Variants in GRM8 observed in about 807,000 individuals in gnomAD.
GRM8 encodes the protein glutamate metabotropic receptor 8.
A neutral mutation model predicts 87.2 loss-of-function variants in GRM8; 47 were observed. That is an observed-to-expected ratio of 0.54 (90% CI 0.43 to 0.69). The LOEUF (loss-of-function observed/expected upper bound fraction) is 0.69. Ranked by LOEUF, GRM8 falls within the 30% of genes least tolerant of loss-of-function variation. The pLI, the probability that GRM8 is intolerant of heterozygous loss-of-function variation, is 0.00. For missense variants in GRM8, 1,019 were observed against 1,139.2 expected, an observed-to-expected ratio of 0.89 and a Z score of 1.52; for synonymous variants, 396 against 404.5, an observed-to-expected ratio of 0.98 and a Z score of 0.25.
At chr7:126,910,789 A>T (rs1202966785) in intron 3 of GRM8, among the ~76,000 whole-genome samples, 3 of 152,158 alleles carry the variant, frequency 2.0e-5, no homozygotes, top group African/African-American at 7.2e-5. Flanking sequence ...CTTGTGGGTG[A>T]GTGGTCAGGT....
intron 6 of GRM8, among the ~76,000 whole-genome samples, chr7:126,854,253 A>C (rs528361446): frequency 9.2e-5 from 14 of 152,310 alleles, no homozygotes; most frequent in African/African-American, 3.4e-4. Context: ...CTTAAATGTA[A>C]CAGGGAAATC....
chr7:127,064,400 G>GT (rs1820907881), intron 3 of GRM8, among the ~76,000 whole-genome samples: 2 of 151,638 alleles, frequency 1.3e-5, no homozygotes. Flanking sequence ...TTTATTCTTC[G>GT]TTGGTTTGAA....
At chr7:126,911,711 C>A (rs1419966297) in intron 3 of GRM8, among the ~76,000 whole-genome samples, 1 of 152,162 alleles carries the variant, frequency 6.6e-6, no homozygotes, top group Non-Finnish European at 1.5e-5. Context: ...CTGGCTGTGG[C>A]CCAGTGACAG....
intron 6 of GRM8, among the ~76,000 whole-genome samples, chr7:126,779,044 C>T (rs904425705): frequency 3.9e-5 from 6 of 152,024 alleles, no homozygotes; most frequent in African/African-American, 1.4e-4. Context: ...GCTCTATTCA[C>T]TTCATCTATA....
At chr7:126,984,253 C>T (rs1811825207) in intron 3 of GRM8, among the ~76,000 whole-genome samples, 1 of 152,028 alleles carries the variant, frequency 6.6e-6, no homozygotes, top group Admixed American at 6.6e-5. Context: ...TGTATGGGTT[C>T]AAGTTGGCAA....
At chr7:126,596,385 G>A (rs750505396) in intron 8 of GRM8, among the ~76,000 whole-genome samples, 2 of 152,174 alleles carry the variant, frequency 1.3e-5, no homozygotes, top group Admixed American at 1.3e-4. Context: ...TTGTGGTTTT[G>A]ATCTGCATTT....
chr7:126,848,197 AT>A (rs1796882699), intron 6 of GRM8, among the ~76,000 whole-genome samples: 1 of 152,168 alleles, frequency 6.6e-6, no homozygotes, highest in South Asian at 2.1e-4. Flanking sequence ...GACAGGATTA[AT>A]TTGGCTTAGA....
At chr7:126,869,933 T>TAAAAAAAAAAAAAAA in intron 6 of GRM8, 1 of 77,260 alleles carries the variant, frequency 1.3e-5, no homozygotes, top group East Asian at 2.9e-4. Flanking sequence ...CCTCATAGAT[T>TAAAAAAAAAAAAAAA]AAAAAAAAAA....
At chr7:127,231,817 TCCA>T (rs1384429804) in intron 2 of GRM8, among the ~76,000 whole-genome samples, 1 of 151,868 alleles carries the variant, frequency 6.6e-6, no homozygotes, top group Non-Finnish European at 1.5e-5. Context: ...CAACCACAAC[TCCA>T]CCATCAAACC....
At chr7:126,549,481 C>G (rs1192976602) in intron 8 of GRM8, among the ~76,000 whole-genome samples, 1 of 152,090 alleles carries the variant, frequency 6.6e-6, no homozygotes, top group Non-Finnish European at 1.5e-5. Context: ...TTATCTTTTA[C>G]TTCTAAATGG....
intron 7 of GRM8, among the ~76,000 whole-genome samples, chr7:126,705,060 G>A (rs1810348747): frequency 6.6e-6 from 1 of 152,022 alleles, no homozygotes; most frequent in East Asian, 1.9e-4. Flanking sequence ...TGTCTCCCCT[G>A]GACGCCCAGC....
intron 8 of GRM8, among the ~76,000 whole-genome samples, chr7:126,535,328 C>T (rs947396896): frequency 6.6e-6 from 1 of 152,160 alleles, no homozygotes; most frequent in Non-Finnish European, 1.5e-5. Context: ...ATAATTCACT[C>T]GAGTGGAAGC....
chr7:126,946,003 C>T (rs1342873550), intron 3 of GRM8, among the ~76,000 whole-genome samples: 1 of 152,186 alleles, frequency 6.6e-6, no homozygotes, highest in East Asian at 1.9e-4. Flanking sequence ...TGCAGTGAAG[C>T]CTCAATTAAT....
intron 2 of GRM8, among the ~76,000 whole-genome samples, chr7:127,190,559 T>A (rs533698129): frequency 1.2e-3 from 172 of 147,486 alleles, no homozygotes; most frequent in African/African-American, 3.4e-3. Context: ...AAAAAAAAAA[T>A]GTCCTGCCCT....
chr7:126,563,236 A>C (rs8180790), intron 8 of GRM8, among the ~76,000 whole-genome samples: 80,822 of 151,722 alleles, frequency 0.53, 21,831 homozygotes, highest in South Asian at 0.65. Flanking sequence ...ATATTTTGAA[A>C]CATTCTTCTT....
chr7:126,449,842 G>A (rs910202966), intron 9 of GRM8, among the ~76,000 whole-genome samples: 7 of 151,658 alleles, frequency 4.6e-5, no homozygotes, highest in Non-Finnish European at 2.9e-5. Context: ...CTTCTCTTAC[G>A]TGCTCCCTCC....
intron 7 of GRM8, among the ~76,000 whole-genome samples, chr7:126,697,868 G>C (rs1345274741): frequency 6.6e-6 from 1 of 152,120 alleles, no homozygotes; most frequent in African/African-American, 2.4e-5. Flanking sequence ...TATACTCAAG[G>C]CTGCAATGGC....
chr7:127,193,898 T>C (rs1444872156), intron 2 of GRM8, among the ~76,000 whole-genome samples: 1 of 152,028 alleles, frequency 6.6e-6, no homozygotes, highest in Admixed American at 6.6e-5. Flanking sequence ...AAATACAACA[T>C]AAGATCCCAA....
intron 2 of GRM8, among the ~76,000 whole-genome samples, chr7:127,232,159 C>G (rs753232766): frequency 8.1e-5 from 12 of 148,592 alleles, no homozygotes; most frequent in Non-Finnish European, 1.5e-4. Flanking sequence ...CCAATCTAGA[C>G]CTGCCATCAG....
Sources: allele counts gnomAD v4.1 joint callset (sites outside exome capture counted in the v4.1 genomes callset), GRCh38; gene constraint gnomAD v4.1.1; transcripts MANE v1.5; gene names NCBI Gene and HGNC (gene_info 2026-07-23, HGNC 2026-07-21).